DLG2: variants seen among roughly 807,000 people sequenced by gnomAD.
DLG2 encodes the protein disks large homolog 2.
DLG2 carries 45 observed loss-of-function variants against 132.5 expected under a neutral mutation model. The ratio of observed to expected loss-of-function variants is 0.34; its 90% confidence interval spans 0.27 to 0.44. The LOEUF (loss-of-function observed/expected upper bound fraction) is 0.44, where lower values mean the gene tolerates loss of function less well. DLG2 is among the 20% of genes least tolerant of loss of function. The probability of loss-of-function intolerance (pLI) is 1.00; values close to 1 mark genes in which losing one functional copy is unlikely to be tolerated. For missense variants in DLG2, 1,045 were observed against 1,196.9 expected (o/e 0.87, Z 1.87); for synonymous variants, 424 against 419.6 (o/e 1.01, Z -0.13).
intron 7 of DLG2, among the ~76,000 whole-genome samples, chr11:84,373,313 T>C (rs1297829863): frequency 7.3e-6 from 1 of 136,094 alleles, no homozygotes; most frequent in East Asian, 2.4e-4. Flanking sequence ...CTCACGCCTG[T>C]AATCCCAGCA....
intron 3 of DLG2, among the ~76,000 whole-genome samples, chr11:85,366,139 T>C (rs561936210): frequency 7.2e-5 from 11 of 152,278 alleles, no homozygotes; most frequent in African/African-American, 2.4e-4. Context: ...CAAAATGTAA[T>C]TGCTAGCTCT....
chr11:84,160,627 CTAAGATGAAAGATATACTGTGCCTGAGT>C (rs2095526124), intron 9 of DLG2, among the ~76,000 whole-genome samples: 1 of 151,882 alleles, frequency 6.6e-6, no homozygotes, highest in Non-Finnish European at 1.5e-5. Flanking sequence ...CTTATTTTTT[CTAAGATGAAAGATATACTGTGCCTGAGT>C]TAAAGTTATT....
At chr11:83,613,547 T>C (rs563052336) in intron 19 of DLG2, among the ~76,000 whole-genome samples, 1 of 152,228 alleles carries the variant, frequency 6.6e-6, no homozygotes, top group Non-Finnish European at 1.5e-5. Context: ...CTATTTTTGC[T>C]GAGTGTTAGC....
chr11:83,601,321 T>C (rs2058501050), intron 19 of DLG2, among the ~76,000 whole-genome samples: 1 of 152,104 alleles, frequency 6.6e-6, no homozygotes, highest in African/African-American at 2.4e-5. Flanking sequence ...TTTAATTCCC[T>C]AAGGTGTTCT....
At chr11:83,704,026 T>C (rs1029522094) in intron 18 of DLG2, among the ~76,000 whole-genome samples, 1 of 152,208 alleles carries the variant, frequency 6.6e-6, no homozygotes, top group African/African-American at 2.4e-5. Context: ...AATTACAGTT[T>C]TATAGGATGC....
chr11:85,363,829 A>C (rs764390756), intron 3 of DLG2, among the ~76,000 whole-genome samples: 91 of 152,220 alleles, frequency 6.0e-4, no homozygotes, highest in Non-Finnish European at 1.1e-3. Context: ...ATGGTTACTG[A>C]GGATAAATTC....
chr11:84,310,413 C>T (rs2098274560), intron 7 of DLG2, among the ~76,000 whole-genome samples: 1 of 152,118 alleles, frequency 6.6e-6, no homozygotes, highest in African/African-American at 2.4e-5. Context: ...AATGTCATTT[C>T]CTAGCACAGT....
At chr11:85,536,729 C>T (rs1317415598) in intron 3 of DLG2, among the ~76,000 whole-genome samples, 1 of 152,236 alleles carries the variant, frequency 6.6e-6, no homozygotes, top group Non-Finnish European at 1.5e-5. Context: ...CGGGCTGATG[C>T]CTGCTGGGCT....
At chr11:84,544,899 G>T (rs982475272) in intron 6 of DLG2, among the ~76,000 whole-genome samples, 4 of 152,138 alleles carry the variant, frequency 2.6e-5, no homozygotes, top group Admixed American at 1.3e-4. Flanking sequence ...GTCTTTGGTG[G>T]AATGCTCTTC....
intron 4 of DLG2, among the ~76,000 whole-genome samples, chr11:85,168,126 G>A (rs1376615652): frequency 6.6e-6 from 1 of 152,054 alleles, no homozygotes; most frequent in East Asian, 1.9e-4. Context: ...GTATTAAATT[G>A]TATTACATGC....
At chr11:85,252,755 TGAA>T (rs1477417763) in intron 4 of DLG2, among the ~76,000 whole-genome samples, 1 of 152,108 alleles carries the variant, frequency 6.6e-6, no homozygotes, top group African/African-American at 2.4e-5. Flanking sequence ...TGTAGGGAAT[TGAA>T]AGCATGAGGA....
chr11:85,062,991 A>G (rs1417776236), intron 6 of DLG2, among the ~76,000 whole-genome samples: 2 of 151,838 alleles, frequency 1.3e-5, no homozygotes, highest in Non-Finnish European at 1.5e-5. Flanking sequence ...TAGTATGTGC[A>G]TATTGTCAAA....
At chr11:84,265,457 G>A (rs1005655899) in intron 7 of DLG2, among the ~76,000 whole-genome samples, 1 of 152,128 alleles carries the variant, frequency 6.6e-6, no homozygotes, top group Non-Finnish European at 1.5e-5. Flanking sequence ...CCTTCAAGTA[G>A]CTGAAATTCT....
intron 14 of DLG2, among the ~76,000 whole-genome samples, chr11:83,947,370 C>T (rs2084289166): frequency 2.0e-5 from 3 of 152,078 alleles, no homozygotes; most frequent in African/African-American, 7.2e-5. Context: ...TTTTAAAAGG[C>T]ATTGAAATAT....
chr11:83,544,325 G>C (rs139378436), intron 19 of DLG2, among the ~76,000 whole-genome samples: 180 of 152,202 alleles, frequency 1.2e-3, no homozygotes, highest in African/African-American at 4.2e-3. Context: ...GAGTTGTCTT[G>C]GGGAACCCCA....
intron 6 of DLG2, among the ~76,000 whole-genome samples, chr11:84,584,955 T>A (rs1434220259): frequency 8.5e-5 from 13 of 152,066 alleles, no homozygotes; most frequent in African/African-American, 2.9e-4. Flanking sequence ...CCCAAAGTGC[T>A]GGGATTACAG....
At chr11:85,494,280 G>A (rs1379189101) in intron 3 of DLG2, among the ~76,000 whole-genome samples, 2 of 151,826 alleles carry the variant, frequency 1.3e-5, no homozygotes, top group Admixed American at 1.3e-4. Flanking sequence ...ATTGATTTTT[G>A]GTAAATTACC....
At chr11:84,067,741 T>C (rs776909288) in intron 10 of DLG2, among the ~76,000 whole-genome samples, 2 of 152,224 alleles carry the variant, frequency 1.3e-5, no homozygotes, top group South Asian at 4.1e-4. Flanking sequence ...TTCTCCCTTG[T>C]TGAAACTTCT....
At chr11:84,919,405 T>C (rs757722452) in intron 6 of DLG2, among the ~76,000 whole-genome samples, 21 of 152,210 alleles carry the variant, frequency 1.4e-4, no homozygotes, top group Non-Finnish European at 2.5e-4. Flanking sequence ...TCTGTTACAC[T>C]CTTTTTCTTA....
Sources: gnomAD v4.1 joint callset for allele counts (sites outside exome capture counted in the v4.1 genomes callset) on GRCh38, gnomAD v4.1.1 for gene constraint, MANE v1.5 for transcripts, NCBI Gene and HGNC (gene_info 2026-07-23, HGNC 2026-07-21) for gene names.